The following PIGF variants were observed in gnomAD, a reference collection of about 807,000 sequenced individuals.
The protein encoded by PIGF is phosphatidylinositol glycan anchor biosynthesis class F, also known as GPI ethanolamine phosphate transferase, stabilizing subunit.
In PIGF, 23 loss-of-function variants were observed where a neutral mutation model predicts 26.0. That is an observed-to-expected ratio of 0.88 (90% CI 0.64 to 1.25). The LOEUF is 1.25. Among genes scored for constraint, PIGF ranks in the 50% most tolerant of loss-of-function variants. PIGF has a pLI of 0.00. For missense variants in PIGF, 278 were observed against 249.9 expected, an observed-to-expected ratio of 1.11 and a Z score of -0.76; for synonymous variants, 93 against 92.6, an observed-to-expected ratio of 1.00 and a Z score of -0.03.
chr2:46,587,547 C>T (rs917928968), intron 5 of PIGF, among the ~76,000 whole-genome samples: 8 of 151,964 alleles, frequency 5.3e-5, no homozygotes, highest in African/African-American at 1.7e-4. Flanking sequence ...GTTTCAAAGA[C>T]GATCTCAGGT....
At chr2:46,616,620 C>CA (rs893061817) in intron 1 of PIGF, 6 of 155,308 alleles carry the variant, frequency 3.9e-5, no homozygotes, top group African/African-American at 1.4e-4. Context: ...GAGCGGCACC[C>CA]AGAGGAGCCT....
intron 4 of PIGF, among the ~76,000 whole-genome samples, chr2:46,596,254 CTCTAAGT>C (rs140286805): frequency 0.013 from 1,990 of 151,820 alleles, 24 homozygotes; most frequent in Non-Finnish European, 0.022. Flanking sequence ...TCTTTCTAAC[CTCTAAGT>C]TCTAAGTTCC....
chr2:46,616,457 C>G (rs1032083069), intron 1 of PIGF: 3 of 152,434 alleles, frequency 2.0e-5, no homozygotes, highest in Non-Finnish European at 4.4e-5. Flanking sequence ...GACCCAAACT[C>G]AAATGTTTGC....
chr2:46,610,831 A>C (rs1191387543), intron 4 of PIGF, among the ~76,000 whole-genome samples: 1 of 152,076 alleles, frequency 6.6e-6, no homozygotes, highest in Admixed American at 6.5e-5. Flanking sequence ...CACTCGTCCC[A>C]AACAGTACTG....
At chr2:46,614,666 A>C (rs1670550024) in intron 2 of PIGF, 1 of 254,914 alleles carries the variant, frequency 3.9e-6, no homozygotes. Context: ...ATTTATTTTC[A>C]ATGGTGACAT....
intron 3 of PIGF, among the ~76,000 whole-genome samples, chr2:46,613,289 G>A (rs2104144152): frequency 6.6e-6 from 1 of 152,170 alleles, no homozygotes; most frequent in South Asian, 2.1e-4. Flanking sequence ...TTCAGTATTT[G>A]AATACAGGAA....
intron 4 of PIGF, among the ~76,000 whole-genome samples, chr2:46,607,351 CTA>C: frequency 6.6e-6 from 1 of 152,224 alleles, no homozygotes; most frequent in Non-Finnish European, 1.5e-5. Context: ...AGGAAAAGTG[CTA>C]TGTTTATTGT....
intron 5 of PIGF, chr2:46,591,841 T>G: frequency 1.5e-6 from 2 of 1,302,552 alleles, no homozygotes; most frequent in South Asian, 2.5e-5. Context: ...TTTATCTTAT[T>G]GTGATACAAG....
chr2:46,593,852 A>C (rs1243047838), intron 4 of PIGF, among the ~76,000 whole-genome samples: 1 of 152,210 alleles, frequency 6.6e-6, no homozygotes, highest in East Asian at 1.9e-4. Context: ...TTACACGCAA[A>C]ATGTACACTG....
intron 4 of PIGF, among the ~76,000 whole-genome samples, chr2:46,597,833 T>C (rs950178886): frequency 5.3e-5 from 8 of 152,222 alleles, no homozygotes; most frequent in South Asian, 2.1e-4. Flanking sequence ...TAAAAACTTT[T>C]AGAATGATCT....
At chr2:46,590,472 T>C (rs1669693570) in intron 5 of PIGF, among the ~76,000 whole-genome samples, 1 of 152,090 alleles carries the variant, frequency 6.6e-6, no homozygotes, top group Non-Finnish European at 1.5e-5. Context: ...CAGAAAAGAC[T>C]TAAATTATGT....
chr2:46,614,941 T>A lies in PIGF; in HGVS notation c.224A>T (p.His75Leu). The part of the protein sequence containing the change: ...NTSSKRSSLS[H>L]KVTGFLKCCI... ...TTATTGAGACATAAGCCTTACCTTGTGTGATAATGAACTTCTTTTAGAGGA... is the reference window on the plus strand; with the variant it reads ...TTATTGAGACATAAGCCTTACCTTGAGTGATAATGAACTTCTTTTAGAGGA... Residue 75 changes from histidine (H) to leucine (L), a missense_variant, in exon 2 of 6, where the codon CAC becomes CTC. Coordinates refer to ENST00000281382, the MANE Select transcript of PIGF (RefSeq NM_002643.4). The A allele has an allele frequency of 7.1e-7, 1 of 1,406,508 alleles. No homozygotes were observed. Among genetic ancestry groups the A allele is most frequent in the Non-Finnish European group, 1.0e-6 (1 of 991,002 alleles). The allele number at this position is 1,406,508 out of a possible 1,614,324, so 87.1% of individuals were successfully genotyped here.
intron 2 of PIGF, 104 bp downstream of exon 2, chr2:46,614,833 G>T (rs1425627229): frequency 1.6e-6 from 1 of 623,008 alleles, no homozygotes; most frequent in Non-Finnish European, 2.9e-6. Flanking sequence ...GGTTCCCTTT[G>T]CTCACTATAA....
chr2:46,609,472 CTTT>C (rs1287377755), intron 4 of PIGF, among the ~76,000 whole-genome samples: 1 of 152,190 alleles, frequency 6.6e-6, no homozygotes, highest in Non-Finnish European at 1.5e-5. Flanking sequence ...AGAACTTTTC[CTTT>C]GCATTCACAA....
chr2:46,582,130 AC>A (rs910021284), intron 5 of PIGF: 25 of 154,024 alleles, frequency 1.6e-4, no homozygotes, highest in African/African-American at 5.5e-4. Context: ...TTATAGAGCG[AC>A]AACTTATATA....
At chr2:46,604,759 T>C (rs912212958) in intron 4 of PIGF, among the ~76,000 whole-genome samples, 1 of 151,574 alleles carries the variant, frequency 6.6e-6, no homozygotes, top group Non-Finnish European at 1.5e-5. Flanking sequence ...TTAATGGGCA[T>C]GAAAAAGATA....
At chr2:46,615,365 T>C (rs1670583162) in intron 1 of PIGF, 180 bp from the exon 2 acceptor site, 4 of 453,072 alleles carry the variant, frequency 8.8e-6, no homozygotes, top group African/African-American at 2.0e-5. Flanking sequence ...ATTCTACCTT[T>C]GATTTTCTTA....
chr2:46,610,740 G>T (rs1286663987), intron 4 of PIGF, among the ~76,000 whole-genome samples: 1 of 152,044 alleles, frequency 6.6e-6, no homozygotes, highest in Admixed American at 6.5e-5. Flanking sequence ...ATGTTGGCCA[G>T]GCTGGTCTTG....
intron 4 of PIGF, among the ~76,000 whole-genome samples, chr2:46,594,852 GTTTGTT>G (rs1669833943): frequency 7.5e-6 from 1 of 133,784 alleles, no homozygotes; most frequent in East Asian, 2.4e-4. Context: ...TTTTTTTTTT[GTTTGTT>G]TTTGTTTTTG....
Sources: allele counts gnomAD v4.1 joint callset (sites outside exome capture counted in the v4.1 genomes callset), GRCh38; gene constraint gnomAD v4.1.1; transcripts MANE v1.5; gene names NCBI Gene and HGNC (gene_info 2026-07-23, HGNC 2026-07-21).